The following PIWIL1 variants were observed in gnomAD, a reference collection of about 807,000 sequenced individuals.
PIWIL1 encodes piwi like RNA-mediated gene silencing 1.
A neutral mutation model predicts 114.4 loss-of-function variants in PIWIL1; 73 were observed. That is an observed-to-expected ratio of 0.64 (90% CI 0.53 to 0.78). The LOEUF is 0.78. Among genes scored for constraint, PIWIL1 ranks in the 30% least tolerant of loss-of-function variants. The pLI is 0.00. For missense variants in PIWIL1, 723 were observed against 1,063.1 expected (o/e 0.68, Z 4.45); for synonymous variants, 375 against 369.0 (o/e 1.02, Z -0.19).
chr12:130,399,717 A>C, the PIWIL1 span: 2 of 1,614,114 alleles, frequency 1.2e-6, no homozygotes, highest in African/African-American at 2.7e-5. Flanking sequence ...TCTTGAGAGT[A>C]GTGGGATGGA....
At chr12:130,381,223 G>A in the PIWIL1 span, among the ~76,000 whole-genome samples, 21,914 of 152,106 alleles carry the variant, frequency 0.14, 1,941 homozygotes, top group African/African-American at 0.24. Flanking sequence ...TCCTTTTATG[G>A]ACAGTCTGTG....
At chr12:130,375,235 C>T (rs2073858020), downstream of PIWIL1, among the ~76,000 whole-genome samples, 1 of 152,178 alleles carries the variant, frequency 6.6e-6, no homozygotes, top group Admixed American at 6.5e-5. Flanking sequence ...TTTTTGCCTA[C>T]TTGCCTGTTC....
the PIWIL1 span, among the ~76,000 whole-genome samples, chr12:130,401,896 T>C: frequency 1.3e-5 from 2 of 152,230 alleles, no homozygotes; most frequent in Middle Eastern, 3.4e-3. Context: ...CACAATGTTA[T>C]GCACACATCT....
the PIWIL1 span, among the ~76,000 whole-genome samples, chr12:130,402,036 T>A: frequency 6.6e-6 from 1 of 152,198 alleles, no homozygotes; most frequent in Non-Finnish European, 1.5e-5. Context: ...CTGCACTGGT[T>A]ATTGCTCTTG....
chr12:130,399,271 A>C, the PIWIL1 span: 1 of 556,924 alleles, frequency 1.8e-6, no homozygotes, highest in Non-Finnish European at 2.6e-6. Flanking sequence ...ACATGAATGT[A>C]GTCTAATAGT....
chr12:130,414,578 G>T, the PIWIL1 span: 1 of 295,726 alleles, frequency 3.4e-6, no homozygotes, highest in Non-Finnish European at 6.3e-6. Flanking sequence ...AGAGAGCACA[G>T]GCTGGGGCAG....
At chr12:130,375,621 T>A (rs1295261365), downstream of PIWIL1, among the ~76,000 whole-genome samples, 1 of 152,232 alleles carries the variant, frequency 6.6e-6, no homozygotes, top group Non-Finnish European at 1.5e-5. Flanking sequence ...TCGTCTCTCC[T>A]TGTTTCCCTG....
chr12:130,361,622 G>A, intron 16 of PIWIL1, 21 bp downstream of exon 16: 1 of 1,578,914 alleles, frequency 6.3e-7, no homozygotes, highest in Non-Finnish European at 8.7e-7. Context: ...CTGGGCTACT[G>A]TGGGTGGCAG....
At chr12:130,389,528 G>A in the PIWIL1 span, among the ~76,000 whole-genome samples, 7 of 151,798 alleles carry the variant, frequency 4.6e-5, no homozygotes, top group Non-Finnish European at 8.8e-5. Flanking sequence ...ACTTTTTCCA[G>A]GCATTTGTCT....
the PIWIL1 span, among the ~76,000 whole-genome samples, chr12:130,400,450 C>G: frequency 6.6e-6 from 1 of 152,210 alleles, no homozygotes; most frequent in East Asian, 1.9e-4. Flanking sequence ...TATGCCTTGT[C>G]TAAAGTCGAG....
Position 130,367,093 on chromosome 12 carries a change from T to C in PIWIL1, c.2196-40T>C, listed in dbSNP as rs374867186. The C allele has an allele frequency of 6.9e-4, 1,104 of 1,609,298 alleles. 17 individuals are homozygous for C. The South Asian group carries it at 9.9e-3, about 14-fold the overall frequency. ...TGAATGAATGAGTGCCCTGAAAATA[T>C]GACTGGCTAAATGCAGTTACATTCA... On this transcript the variant is annotated intron_variant, in intron 18 of 20. Transcript: ENST00000245255.
At chr12:130,356,298 T>C (rs1471304608) in intron 12 of PIWIL1, among the ~76,000 whole-genome samples, 1 of 152,260 alleles carries the variant, frequency 6.6e-6, no homozygotes, top group East Asian at 1.9e-4. Flanking sequence ...TTTTTTTTTT[T>C]TTAAGAAAAT....
the PIWIL1 span, chr12:130,412,698 T>C: frequency 6.2e-7 from 1 of 1,613,816 alleles, no homozygotes; most frequent in Admixed American, 1.7e-5. Flanking sequence ...CATCTGCTTG[T>C]ATCTCAGAGA....
the PIWIL1 span, among the ~76,000 whole-genome samples, chr12:130,394,542 C>T: frequency 3.9e-5 from 6 of 152,246 alleles, no homozygotes; most frequent in East Asian, 1.2e-3. Flanking sequence ...AATATACCTG[C>T]AAACAAGCTT....
chr12:130,423,755 A>G, the PIWIL1 span, among the ~76,000 whole-genome samples: 1 of 151,710 alleles, frequency 6.6e-6, no homozygotes, highest in Non-Finnish European at 1.5e-5. Context: ...ATAACAAGGA[A>G]AAAAAACCCT....
At chr12:130,378,082 T>A in the PIWIL1 span, among the ~76,000 whole-genome samples, 4 of 152,374 alleles carry the variant, frequency 2.6e-5, no homozygotes, top group Admixed American at 1.3e-4. Flanking sequence ...CAAATGTCTA[T>A]ACCTCTGGAT....
the PIWIL1 span, among the ~76,000 whole-genome samples, chr12:130,408,518 T>C: frequency 6.6e-6 from 1 of 152,120 alleles, no homozygotes; most frequent in African/African-American, 2.4e-5. Flanking sequence ...CTGGGCATCA[T>C]CCCAGCACAC....
the PIWIL1 span, chr12:130,422,399 G>A: frequency 7.9e-7 from 1 of 1,271,972 alleles, no homozygotes; most frequent in Non-Finnish European, 1.1e-6. The surrounding 1 kb of genome is among the most constrained non-coding windows in gnomAD (Gnocchi z 5.2). Flanking sequence ...GATGGAGTAA[G>A]CAGCCACATG....
At chr12:130,359,341 A>G (rs2073449860) in intron 14 of PIWIL1, among the ~76,000 whole-genome samples, 1 of 152,162 alleles carries the variant, frequency 6.6e-6, no homozygotes, top group South Asian at 2.1e-4. Flanking sequence ...TCCATAGTGG[A>G]AGAAAGTAGG....
Sources: allele counts gnomAD v4.1 joint callset (sites outside exome capture counted in the v4.1 genomes callset), GRCh38; gene constraint gnomAD v4.1.1; non-coding constraint Gnocchi (gnomAD v3.1); transcripts MANE v1.5; gene names NCBI Gene and HGNC (gene_info 2026-07-23, HGNC 2026-07-21).